Variants in TNIP3 observed in about 807,000 individuals in gnomAD.
TNIP3 encodes the protein TNFAIP3 interacting protein 3, also known as TNFAIP3-interacting protein 3.
Under a neutral mutation model 54.1 loss-of-function variants are expected in TNIP3, and 34 were observed. The observed-to-expected ratio is 0.63, with a 90% CI of 0.48 to 0.84. The LOEUF (loss-of-function observed/expected upper bound fraction) is 0.84. Among genes scored for constraint, TNIP3 ranks in the 40% least tolerant of loss-of-function variants. The pLI, the probability that TNIP3 is intolerant of heterozygous loss-of-function variation, is 0.00. For missense variants in TNIP3, 366 were observed against 387.6 expected (o/e 0.94, Z 0.47); for synonymous variants, 134 against 136.8 (o/e 0.98, Z 0.14).
chr4:121,216,741 G>T, upstream of TNIP3: 1 of 765,640 alleles, frequency 1.3e-6, no homozygotes, highest in Non-Finnish European at 1.9e-6. Context: ...GTGAGTTAAG[G>T]AAGAATCTCA....
intron 2 of TNIP3, among the ~76,000 whole-genome samples, chr4:121,195,159 C>T (rs1258842025): frequency 6.7e-6 from 1 of 149,932 alleles, no homozygotes; most frequent in Non-Finnish European, 1.5e-5. Flanking sequence ...GGTGAAAAAG[C>T]AAACAAAACA....
At chr4:121,183,340 G>A (rs1177760730) in intron 2 of TNIP3, among the ~76,000 whole-genome samples, 2 of 152,170 alleles carry the variant, frequency 1.3e-5, no homozygotes, top group East Asian at 1.9e-4. Context: ...CCACCACATG[G>A]AAATAATATA....
intron 2 of TNIP3, chr4:121,182,863 G>A: frequency 6.8e-7 from 1 of 1,467,210 alleles, no homozygotes; most frequent in Non-Finnish European, 9.2e-7. Context: ...GGCGTAGAGT[G>A]AGTTTATGGA....
chr4:121,177,166 C>G (rs984123398), intron 3 of TNIP3, among the ~76,000 whole-genome samples: 30 of 152,190 alleles, frequency 2.0e-4, no homozygotes, highest in African/African-American at 7.2e-4. Context: ...AGATACATGA[C>G]TGCAGATTCA....
At chr4:121,225,311 C>G (rs530316645) in intron 1 of TNIP3, among the ~76,000 whole-genome samples, 52 of 152,280 alleles carry the variant, frequency 3.4e-4, no homozygotes, top group Admixed American at 2.4e-3. Context: ...AATATTTTCC[C>G]CCCATATGAT....
At chr4:121,167,764 G>A (rs1025451975), upstream of TNIP3, among the ~76,000 whole-genome samples, 23 of 152,096 alleles carry the variant, frequency 1.5e-4, no homozygotes, top group Admixed American at 7.9e-4. Flanking sequence ...ATTAGCAAAA[G>A]TAATATTCAA....
At chr4:121,211,579 G>A (rs1006145654) in intron 2 of TNIP3, among the ~76,000 whole-genome samples, 2 of 152,140 alleles carry the variant, frequency 1.3e-5, no homozygotes, top group African/African-American at 4.8e-5. Flanking sequence ...ATTCCTGTCA[G>A]AGTAGCACAG....
chr4:121,200,295 C>T (rs544095931), intron 2 of TNIP3, among the ~76,000 whole-genome samples: 1 of 151,800 alleles, frequency 6.6e-6, no homozygotes, highest in East Asian at 1.9e-4. Context: ...TTACAAATTC[C>T]CTTTTGCATA....
intron 2 of TNIP3, among the ~76,000 whole-genome samples, chr4:121,186,964 GA>G (rs1725054037): frequency 6.6e-6 from 1 of 152,030 alleles, no homozygotes; most frequent in Non-Finnish European, 1.5e-5. Flanking sequence ...ATTCTCTTTT[GA>G]ATTAGTGAAA....
At chr4:121,168,774 C>T (rs570533425), upstream of TNIP3, among the ~76,000 whole-genome samples, 188 of 129,452 alleles carry the variant, frequency 1.5e-3, no homozygotes, top group African/African-American at 6.7e-3. Context: ...CCCACCACAG[C>T]TTCTCAAAAA....
rs574301666 is a variant in TNIP3, at chr4:121,176,342, C to T, written c.189+6334G>A. Among the ~76,000 whole-genome samples, 396 of 152,224 alleles carry T rather than the reference C, an allele frequency of 2.6e-3. 2 individuals carry two copies. In the Middle Eastern group the frequency reaches 0.031, roughly 12 times the overall value. The stretch of plus-strand genomic sequence containing the variant: ...CAAAGGTTTCCCAGTGAAAGCTAAA[C>T]AGATCCTCACACAACAATGCAACTT... On this transcript the variant is annotated intron_variant, in intron 3 of 12. Coordinates refer to the TNIP3 transcript ENST00000507879.
chr4:121,163,692 A>G lies in TNIP3; in HGVS notation c.66+368T>C, dbSNP rs116123374. ...TAGTCTCTGTTGCTGAACAAAATCT[A>G]TGGTACCAATTGTAAATATATAAAA... is the stretch of plus-strand genomic sequence containing the variant. On this transcript the variant is annotated intron_variant, in intron 1 of 10. Transcript: ENST00000057513. Among the ~76,000 whole-genome samples, 1,241 of 152,292 alleles carry G rather than the reference A, an allele frequency of 8.1e-3. 20 individuals carry two copies. The highest frequency in any genetic ancestry group is 0.028 in the African/African-American group (1,180 of 41,560).
chr4:121,162,246 A>G (rs1362584565), intron 1 of TNIP3, among the ~76,000 whole-genome samples: 2 of 152,294 alleles, frequency 1.3e-5, no homozygotes, highest in East Asian at 3.9e-4. Flanking sequence ...TGTATTTTCT[A>G]TCTTTTCTCT....
rs148270543 is a variant in TNIP3 at position 121,194,370 on chromosome 4, T to C, written c.69-11574A>G. Among the ~76,000 whole-genome samples, 379 of 152,280 alleles carry C rather than the reference T, an allele frequency of 2.5e-3. 1 individual carries two copies. Among genetic ancestry groups the C allele is most frequent in the African/African-American group, 8.6e-3 (357 of 41,578 alleles). ...AAAATATTAAACCTAAAAGATAAGA[T>C]CTGATTTGATCTTAAAATTATCTTT... On this transcript the variant is annotated intron_variant, in intron 2 of 12. Transcript: ENST00000507879.
Position 121,145,535 on chromosome 4 carries a change from G to A in TNIP3, c.735+1514C>T, listed in dbSNP as rs565668223. Among the ~76,000 whole-genome samples, 3 of 151,602 alleles carry A rather than the reference G, an allele frequency of 2.0e-5. No individual in the cohort carries two copies. The South Asian group carries it at 6.2e-4, about 32-fold the overall frequency. On this transcript the variant is annotated intron_variant, in intron 7 of 10. Coordinates refer to ENST00000057513, the MANE Select transcript of TNIP3 (RefSeq NM_024873.6). Reference sequence around the variant, plus strand: ...ATATACATTCCTGACAAGACTAAAAGTTCTGTAATGGCAAGGACATTGCCA... The same window carrying A: ...ATATACATTCCTGACAAGACTAAAAATTCTGTAATGGCAAGGACATTGCCA...
intron 1 of TNIP3, among the ~76,000 whole-genome samples, chr4:121,225,493 C>T (rs1727218746): frequency 6.6e-6 from 1 of 152,070 alleles, no homozygotes; most frequent in African/African-American, 2.4e-5. Context: ...GTTCTAAGGT[C>T]TTTATCCTTC....
At chr4:121,153,497 G>A (rs1258808129) in intron 5 of TNIP3, among the ~76,000 whole-genome samples, 1 of 152,078 alleles carries the variant, frequency 6.6e-6, no homozygotes, top group African/African-American at 2.4e-5. Context: ...AGAAAAAAAG[G>A]GAAAAGATAG....
At chr4:121,135,511 C>T (rs1015221443) in intron 10 of TNIP3, among the ~76,000 whole-genome samples, 10 of 152,156 alleles carry the variant, frequency 6.6e-5, no homozygotes, top group African/African-American at 2.2e-4. Context: ...GATCCTCCTA[C>T]CTTAGTCTCC....
chr4:121,195,493 G>A lies in TNIP3; in HGVS notation c.69-12697C>T, dbSNP rs537927673. Among the ~76,000 whole-genome samples the A allele has an allele frequency of 3.3e-5, 5 of 152,164 alleles. No individual in the cohort carries two copies. The South Asian group carries it at 1.0e-3, about 32-fold the overall frequency. On this transcript the variant is annotated intron_variant, in intron 2 of 12. Coordinates refer to the TNIP3 transcript ENST00000507879. ...TAGAGAGTGGACCATTTTTTCACAG[G>A]TGAAATGTCAAAAACATTGGGTACT...
Sources: gnomAD v4.1 joint callset for allele counts (sites outside exome capture counted in the v4.1 genomes callset) on GRCh38, gnomAD v4.1.1 for gene constraint, MANE v1.5 for transcripts, NCBI Gene and HGNC (gene_info 2026-07-23, HGNC 2026-07-21) for gene names.